STPG2: variants seen among roughly 807,000 people sequenced by gnomAD.
STPG2 encodes the protein sperm-tail PG-rich repeat-containing protein 2.
A neutral mutation model predicts 54.2 loss-of-function variants in STPG2; 56 were observed. The observed-to-expected ratio is 1.03, with a 90% CI of 0.83 to 1.29. The LOEUF (loss-of-function observed/expected upper bound fraction) is 1.29. STPG2 is among the 50% of genes most tolerant of loss of function. The probability of loss-of-function intolerance (pLI) is 0.00; values close to 1 mark genes in which losing one functional copy is unlikely to be tolerated. For missense variants in STPG2, 596 were observed against 544.9 expected (o/e 1.09, Z -0.93); for synonymous variants, 200 against 181.8 (o/e 1.10, Z -0.81).
intron 8 of STPG2, among the ~76,000 whole-genome samples, chr4:97,941,283 T>G (rs114186023): frequency 2.4e-3 from 368 of 152,168 alleles, no homozygotes; most frequent in African/African-American, 8.6e-3. Flanking sequence ...AAAAAAAAAG[T>G]GAAAAGGACA....
At chr4:97,723,715 C>T (rs541822182) in intron 9 of STPG2, among the ~76,000 whole-genome samples, 21 of 152,234 alleles carry the variant, frequency 1.4e-4, no homozygotes, top group African/African-American at 5.1e-4. Context: ...TTCCATGTGG[C>T]TAGGGAGGCC....
chr4:97,579,829 C>A (rs866200850), intron 10 of STPG2, among the ~76,000 whole-genome samples: 21 of 151,922 alleles, frequency 1.4e-4, no homozygotes, highest in African/African-American at 5.1e-4. Context: ...AATTAAAAAA[C>A]CAATTATATT....
At chr4:97,571,161 TATTA>T (rs1732589984) in intron 10 of STPG2, among the ~76,000 whole-genome samples, 2 of 152,200 alleles carry the variant, frequency 1.3e-5, no homozygotes, top group African/African-American at 2.4e-5. Context: ...CAAATATAAG[TATTA>T]ATTATTAAAA....
At chr4:97,526,415 G>A (rs564166717) in intron 4 of STPG2, among the ~76,000 whole-genome samples, 33 of 152,158 alleles carry the variant, frequency 2.2e-4, no homozygotes, top group Admixed American at 5.9e-4. Context: ...GTATGTTTCT[G>A]TCAGGACTAC....
intron 10 of STPG2, among the ~76,000 whole-genome samples, chr4:97,623,795 C>T (rs1734073248): frequency 6.6e-6 from 1 of 152,100 alleles, no homozygotes; most frequent in African/African-American, 2.4e-5. Context: ...TCCCCCGACA[C>T]CCCCACTGAC....
At chr4:97,689,712 C>A (rs1478235338) in intron 10 of STPG2, among the ~76,000 whole-genome samples, 2 of 151,980 alleles carry the variant, frequency 1.3e-5, no homozygotes, top group Non-Finnish European at 1.5e-5. Flanking sequence ...AATAAACAAC[C>A]TTTAAGAACC....
At position 98,039,391 on chromosome 4, in the gene STPG2, T is replaced by C. The variant is rs142038534; in HGVS notation, c.613-58073A>G. 6.5e-3 allele frequency among the ~76,000 whole-genome samples: 981 copies of C among 151,710 alleles called. 95 individuals are homozygous for C. The Middle Eastern group carries it at 0.065, about 10-fold the overall frequency. Reference sequence around the variant, plus strand: ...TTTATTTAACTTTCTAAATAGATCATTTGTGAATAAATATCTATCCCACCC... The same window carrying C: ...TTTATTTAACTTTCTAAATAGATCACTTGTGAATAAATATCTATCCCACCC... On this transcript the variant is annotated intron_variant, in intron 5 of 10. Coordinates refer to ENST00000295268, the MANE Select transcript of STPG2 (RefSeq NM_174952.3).
intron 9 of STPG2, among the ~76,000 whole-genome samples, chr4:97,764,112 G>GCACACACACACACACACACA (rs3974908): frequency 7.1e-6 from 1 of 141,076 alleles, no homozygotes; most frequent in Admixed American, 7.2e-5. Flanking sequence ...AACACCACAT[G>GCACACACACACACACACACA]CACACACACA....
intron 3 of STPG2, among the ~76,000 whole-genome samples, chr4:98,117,292 C>A (rs912595123): frequency 4.6e-5 from 7 of 151,832 alleles, no homozygotes; most frequent in Admixed American, 2.0e-4. Flanking sequence ...TTCTATTAAC[C>A]TTTTGGAGGA....
chr4:98,131,456 C>T (rs556404025), intron 2 of STPG2, among the ~76,000 whole-genome samples: 4 of 152,148 alleles, frequency 2.6e-5, no homozygotes, highest in Non-Finnish European at 2.9e-5. Flanking sequence ...TTTGTCCCCA[C>T]ACACGAAATA....
chr4:97,906,026 C>T (rs1479497646), intron 8 of STPG2, among the ~76,000 whole-genome samples: 1 of 152,012 alleles, frequency 6.6e-6, no homozygotes, highest in Admixed American at 6.6e-5. Flanking sequence ...CAGAGCAGAA[C>T]TGAAGGAAAT....
At chr4:97,662,268 A>T (rs1181768682) in intron 10 of STPG2, among the ~76,000 whole-genome samples, 1 of 152,160 alleles carries the variant, frequency 6.6e-6, no homozygotes, top group Non-Finnish European at 1.5e-5. Context: ...GCCAACAAAC[A>T]TGAAAAAAAT....
In STPG2 at chr4:97,632,979, C is replaced by CAGGT. The variant is rs1014584777; in HGVS notation, c.1321-73866_1321-73863dup. Among the ~76,000 whole-genome samples the CAGGT allele has an allele frequency of 5.9e-5, 9 of 151,852 alleles. 1 individual carries two copies. In the South Asian group the frequency reaches 1.0e-3, roughly 18 times the overall value. ...GGATGGAAAGATGGTAGATAGATGG[C>CAGGT]AGGTAGGTAGGTAGGTAGGTAGATC... On this transcript the variant is annotated intron_variant, in intron 10 of 10. Transcript: ENST00000295268.
At chr4:97,917,460 G>T (rs370458573) in intron 8 of STPG2, 2 of 152,116 alleles carry the variant, frequency 1.3e-5, no homozygotes, top group East Asian at 3.9e-4. Flanking sequence ...AAATTGAGAA[G>T]ATCTCAATAC....
intron 8 of STPG2, among the ~76,000 whole-genome samples, chr4:97,877,342 A>T (rs1183375389): frequency 6.6e-6 from 1 of 152,192 alleles, no homozygotes. Flanking sequence ...ATATGGGCAA[A>T]GGACATGAAC....
chr4:97,671,859 G>A (rs1341879335), intron 10 of STPG2, among the ~76,000 whole-genome samples: 1 of 152,038 alleles, frequency 6.6e-6, no homozygotes, highest in Non-Finnish European at 1.5e-5. Context: ...AAACCCTGAA[G>A]AATTTTTTTT....
chr4:97,693,335 G>A (rs1467726480), intron 10 of STPG2, among the ~76,000 whole-genome samples: 1 of 151,920 alleles, frequency 6.6e-6, no homozygotes, highest in African/African-American at 2.4e-5. Context: ...AGGTAAAAGG[G>A]TAGAAAAAGG....
intron 5 of STPG2, among the ~76,000 whole-genome samples, chr4:98,009,301 G>T (rs1028028947): frequency 2.0e-5 from 3 of 151,436 alleles, no homozygotes; most frequent in Non-Finnish European, 3.0e-5. Context: ...TTTATCTCAA[G>T]ATATCTTTTT....
chr4:97,794,253 A>C (rs1185785491), intron 9 of STPG2, among the ~76,000 whole-genome samples: 2 of 152,118 alleles, frequency 1.3e-5, no homozygotes, highest in Admixed American at 6.5e-5. Flanking sequence ...ACATTTTATT[A>C]CATTTCCTCT....
Sources: allele counts gnomAD v4.1 joint callset (sites outside exome capture counted in the v4.1 genomes callset), GRCh38; gene constraint gnomAD v4.1.1; transcripts MANE v1.5; gene names NCBI Gene and HGNC (gene_info 2026-07-23, HGNC 2026-07-21).